Variants in MECOM observed in about 807,000 individuals in gnomAD.
MECOM encodes histone-lysine N-methyltransferase MECOM.
A neutral mutation model predicts 116.3 loss-of-function variants in MECOM; 13 were observed. The ratio of observed to expected loss-of-function variants is 0.11; its 90% confidence interval spans 0.07 to 0.18. The LOEUF (loss-of-function observed/expected upper bound fraction) is 0.18. Ranked by LOEUF, MECOM falls within the 10% of genes least tolerant of loss-of-function variation. The pLI is 1.00. For missense variants in MECOM, 1,299 were observed against 1,509.0 expected (o/e 0.86, Z 2.31); for synonymous variants, 528 against 535.2 (o/e 0.99, Z 0.19).
intron 2 of MECOM, among the ~76,000 whole-genome samples, chr3:169,259,192 AT>A (rs139955968): frequency 3.1e-3 from 455 of 148,916 alleles, no homozygotes; most frequent in African/African-American, 8.8e-3. Context: ...AAAGGGCCCA[AT>A]TTTTTTTTTT....
chr3:169,164,389 T>G (rs1743261017), intron 2 of MECOM, among the ~76,000 whole-genome samples: 1 of 152,314 alleles, frequency 6.6e-6, no homozygotes, highest in South Asian at 2.1e-4. Context: ...ATGGTATGTC[T>G]AATAAACCTC....
At chr3:169,409,441 C>T (rs1308886783) in intron 1 of MECOM, among the ~76,000 whole-genome samples, 2 of 152,118 alleles carry the variant, frequency 1.3e-5, no homozygotes, top group Non-Finnish European at 2.9e-5. Flanking sequence ...ATTTTCATGG[C>T]GTGGTTTGAA....
chr3:169,123,535 C>A (rs1731794344), intron 5 of MECOM, among the ~76,000 whole-genome samples: 1 of 151,912 alleles, frequency 6.6e-6, no homozygotes, highest in African/African-American at 2.4e-5. Context: ...TATATGAAAT[C>A]TGCATGAATA....
chr3:169,580,050 G>C (rs1764938823), intron 1 of MECOM, among the ~76,000 whole-genome samples: 1 of 152,196 alleles, frequency 6.6e-6, no homozygotes, highest in African/African-American at 2.4e-5. Context: ...ATATTACCCT[G>C]AAGTCCAGCA....
chr3:169,116,112 G>T lies in MECOM; in HGVS notation c.1760C>A (p.Thr587Lys). ...TGTTTCCAGGTCACTGCCACTTGGTGTACTGACATCATCAAGGTCACTACT... is the reference window on the plus strand; with the variant it reads ...TGTTTCCAGGTCACTGCCACTTGGTTTACTGACATCATCAAGGTCACTACT... Reference protein sequence around the residue: ...SESSDLDDVSTPSGSDLETTS... With the variant: ...SESSDLDDVSKPSGSDLETTS... Residue 587 changes from threonine to lysine, a missense_variant, in exon 8 of 17, where the codon ACA becomes AAA. This residue lies in a region of MECOM where 238 missense variants were observed against 273.1 expected (regional missense o/e 0.87). Coordinates refer to ENST00000651503, the MANE Select transcript of MECOM (RefSeq NM_004991.4). The T allele has an allele frequency of 6.2e-7, 1 of 1,614,154 alleles. No individual in the cohort carries two copies. The highest frequency in any genetic ancestry group is 8.5e-7 in the Non-Finnish European group (1 of 1,180,044).
intron 16 of MECOM, among the ~76,000 whole-genome samples, chr3:169,086,085 C>T (rs188738118): frequency 7.2e-5 from 11 of 152,186 alleles, no homozygotes; most frequent in Admixed American, 5.2e-4. Flanking sequence ...TGGTTTCTTC[C>T]GTAATCATTG....
intron 2 of MECOM, among the ~76,000 whole-genome samples, chr3:169,367,837 G>A (rs1272741098): frequency 6.6e-6 from 1 of 151,050 alleles, no homozygotes; most frequent in East Asian, 2.0e-4. Flanking sequence ...CTGATTGTCT[G>A]GTTCCTAGGC....
At chr3:169,502,097 T>C (rs1754613255) in intron 1 of MECOM, among the ~76,000 whole-genome samples, 1 of 152,132 alleles carries the variant, frequency 6.6e-6, no homozygotes, top group Non-Finnish European at 1.5e-5. Context: ...TATTGTTTTC[T>C]CGCAGGCCAG....
intron 1 of MECOM, among the ~76,000 whole-genome samples, chr3:169,624,625 G>A (rs1771132790): frequency 6.6e-6 from 1 of 152,178 alleles, no homozygotes; most frequent in Admixed American, 6.5e-5. Context: ...AAAGCTGCAT[G>A]CTGAAAAACA....
intron 1 of MECOM, among the ~76,000 whole-genome samples, chr3:169,652,009 A>G (rs1182040248): frequency 1.3e-5 from 2 of 152,188 alleles, no homozygotes; most frequent in African/African-American, 4.8e-5. Flanking sequence ...AACAAGAAAA[A>G]TATTGTGTAT....
intron 2 of MECOM, among the ~76,000 whole-genome samples, chr3:169,234,971 T>C (rs1753855831): frequency 6.6e-6 from 1 of 152,232 alleles, no homozygotes; most frequent in South Asian, 2.1e-4. Context: ...GTTTGCAATA[T>C]TTCACCCTTC....
intron 2 of MECOM, among the ~76,000 whole-genome samples, chr3:169,264,218 T>C (rs780532031): frequency 6.6e-6 from 1 of 152,220 alleles, no homozygotes; most frequent in Non-Finnish European, 1.5e-5. Flanking sequence ...GCTACTTTCT[T>C]TTCCATAAAT....
intron 1 of MECOM, among the ~76,000 whole-genome samples, chr3:169,437,238 T>C (rs1742809427): frequency 6.6e-6 from 1 of 152,206 alleles, no homozygotes; most frequent in African/African-American, 2.4e-5. Context: ...TTTTCTGGCT[T>C]CAAATCCAGT....
At chr3:169,095,696 G>A (rs1179713203) in intron 12 of MECOM, among the ~76,000 whole-genome samples, 5 of 151,916 alleles carry the variant, frequency 3.3e-5, no homozygotes, top group African/African-American at 4.8e-5. Context: ...ATTTTCTCAG[G>A]TGCTAATCCT....
intron 2 of MECOM, among the ~76,000 whole-genome samples, chr3:169,297,528 A>AT (rs61244191): frequency 8.7e-5 from 13 of 150,044 alleles, no homozygotes; most frequent in South Asian, 2.1e-4. Context: ...GTTACAACTG[A>AT]TTTTTTTTTT....
intron 1 of MECOM, among the ~76,000 whole-genome samples, chr3:169,497,729 T>C (rs1754008051): frequency 6.6e-6 from 1 of 152,248 alleles, no homozygotes; most frequent in African/African-American, 2.4e-5. Context: ...ATTCTGATTA[T>C]GTCTCCTCAC....
chr3:169,594,419 A>G (rs1766880266), intron 1 of MECOM, among the ~76,000 whole-genome samples: 1 of 152,082 alleles, frequency 6.6e-6, no homozygotes, highest in South Asian at 2.1e-4. Context: ...GACTAGCAGT[A>G]TCAGCATCAC....
chr3:169,217,073 A>G (rs890259967), intron 2 of MECOM, among the ~76,000 whole-genome samples: 1 of 152,196 alleles, frequency 6.6e-6, no homozygotes, highest in Non-Finnish European at 1.5e-5. Flanking sequence ...TTGCACAAGT[A>G]GGTAACAGGA....
Position 169,085,003 on chromosome 3 carries a change from A to T in MECOM, c.3626T>A (p.Leu1209His). Residue 1209 changes from leucine to histidine, a missense_variant, in exon 17 of 17, where the codon CTC becomes CAC. Leu to His is a moderately conservative substitution (Grantham distance 99). Transcript: ENST00000651503. ...GGAAGAACTGTGGGATGTAGAATGGAGGGACTCCTTGTCAGACAGTGACAG... is the reference window on the plus strand; with the variant it reads ...GGAAGAACTGTGGGATGTAGAATGGTGGGACTCCTTGTCAGACAGTGACAG... The part of the protein sequence containing the change: ...MMLSLSDKES[L>H]HSTSHSSSNV... 6.2e-7 allele frequency: 1 copy of T among 1,614,130 alleles called. No homozygotes were observed. The highest frequency in any genetic ancestry group is 8.5e-7 in the Non-Finnish European group (1 of 1,179,986).
Sources: allele counts gnomAD v4.1 joint callset (sites outside exome capture counted in the v4.1 genomes callset), GRCh38; gene constraint gnomAD v4.1.1; regional missense constraint gnomAD v4.1.1; transcripts MANE v1.5; gene names NCBI Gene and HGNC (gene_info 2026-07-23, HGNC 2026-07-21).